PPP2R3A: variants seen among roughly 807,000 people sequenced by gnomAD.
The protein encoded by PPP2R3A is protein phosphatase 2 regulatory subunit B''alpha, also known as serine/threonine-protein phosphatase 2A regulatory subunit B'' subunit alpha.
PPP2R3A carries 80 observed loss-of-function variants against 106.9 expected under a neutral mutation model. The observed-to-expected ratio is 0.75, with a 90% CI of 0.62 to 0.90. The LOEUF is 0.90. PPP2R3A is among the 40% of genes least tolerant of loss of function. The pLI, the probability that PPP2R3A is intolerant of heterozygous loss-of-function variation, is 0.00. For missense variants in PPP2R3A, 1,386 were observed against 1,350.4 expected, an observed-to-expected ratio of 1.03 and a Z score of -0.41; for synonymous variants, 483 against 468.3, an observed-to-expected ratio of 1.03 and a Z score of -0.41.
chr3:136,039,105 G>A (rs1461723724), intron 3 of PPP2R3A, among the ~76,000 whole-genome samples: 1 of 152,106 alleles, frequency 6.6e-6, no homozygotes, highest in Non-Finnish European at 1.5e-5. Flanking sequence ...TGTCAGACTA[G>A]GTACTCTTCA....
rs1933633355 is a variant in PPP2R3A at position 136,001,781 on chromosome 3, C to A, written c.283C>A (p.Pro95Thr). The A allele has an allele frequency of 6.2e-7, 1 of 1,613,990 alleles. No homozygotes were observed. Among genetic ancestry groups the A allele is most frequent in the African/African-American group, 1.3e-5 (1 of 74,906 alleles). Residue 95 changes from proline to threonine, a missense_variant, in exon 2 of 14, where the codon CCC becomes ACC. Pro to Thr is a conservative substitution (Grantham distance 38, BLOSUM62 -1). Coordinates refer to ENST00000264977, the MANE Select transcript of PPP2R3A (RefSeq NM_002718.5). ...TCCCCAACAGGCCTTCACAGGCATA[C>A]CCAGGGTCAAGAGAGGATCTACATT... Reference protein sequence around the residue: ...DYPQQAFTGIPRVKRGSTFQN... With the variant: ...DYPQQAFTGITRVKRGSTFQN...
chr3:136,045,371 C>G (rs1935436826), intron 4 of PPP2R3A, among the ~76,000 whole-genome samples: 1 of 152,216 alleles, frequency 6.6e-6, no homozygotes, highest in African/African-American at 2.4e-5. Flanking sequence ...CCAGGAGTGC[C>G]AAGCTGAGAC....
intron 2 of PPP2R3A, among the ~76,000 whole-genome samples, chr3:136,014,744 T>C (rs1934212085): frequency 6.6e-6 from 1 of 152,162 alleles, no homozygotes; most frequent in Admixed American, 6.5e-5. Flanking sequence ...CTTTAGGGTT[T>C]TCCAGGTATA....
Position 136,118,017 on chromosome 3 carries a change from G to C in PPP2R3A, c.3329+11695G>C, listed in dbSNP as rs573439385. Among the ~76,000 whole-genome samples, 4 of 152,276 alleles carry C rather than the reference G, an allele frequency of 2.6e-5. No individual in the cohort carries two copies. The East Asian group carries it at 7.7e-4, about 29-fold the overall frequency. ...ACTGAATCCAGCAGCACATCAGAAA[G>C]CTTATCCACCATGATCAAGTGGGCC... On this transcript the variant is annotated intron_variant, in intron 13 of 13. Transcript: ENST00000264977.
intron 1 of PPP2R3A, 78 bp downstream of exon 1, chr3:135,965,927 G>A (rs1197303602): frequency 1.3e-5 from 2 of 153,458 alleles, no homozygotes; most frequent in African/African-American, 2.4e-5. Flanking sequence ...GCGAGGCTCG[G>A]GGCGGCGCGC....
intron 13 of PPP2R3A, among the ~76,000 whole-genome samples, chr3:136,144,291 A>G (rs920314856): frequency 2.6e-5 from 4 of 152,240 alleles, no homozygotes; most frequent in Admixed American, 6.5e-5. Flanking sequence ...AGTCAGTTCA[A>G]CCTACATACT....
At chr3:136,049,210 T>C in intron 4 of PPP2R3A, 49 bp from the exon 5 acceptor site, 1 of 1,356,780 alleles carries the variant, frequency 7.4e-7, no homozygotes, top group Non-Finnish European at 1.0e-6. Context: ...GTTATTGTCA[T>C]TGTTTGTTCA....
In PPP2R3A at chr3:136,145,266, T is replaced by C; in HGVS notation, c.*100T>C. On this transcript the variant is annotated 3_prime_UTR_variant, in exon 14 of 14. Transcript: ENST00000264977. ...ATACTGCTTTTTAAAGACTTTGATTTCTCCAAGTGTGTATCATCTGCACTA... is the reference window on the plus strand; with the variant it reads ...ATACTGCTTTTTAAAGACTTTGATTCCTCCAAGTGTGTATCATCTGCACTA... 1.4e-6 allele frequency: 2 copies of C among 1,392,242 alleles called. No homozygotes were observed. Among genetic ancestry groups the C allele is most frequent in the Non-Finnish European group, 1.9e-6 (2 of 1,044,526 alleles). The allele number at this position is 1,392,242 out of a possible 1,614,324, so 86.2% of individuals were successfully genotyped here.
chr3:136,115,511 A>G (rs925288464), intron 13 of PPP2R3A, among the ~76,000 whole-genome samples: 1 of 152,070 alleles, frequency 6.6e-6, no homozygotes, highest in Non-Finnish European at 1.5e-5. Context: ...AAAAAAGGGT[A>G]GATGAATTGC....
Position 136,003,448 on chromosome 3 carries a change from T to TA in PPP2R3A, c.1951dup (p.Thr651AsnfsTer19), listed in dbSNP as rs1486663259. ...GTCCTGTTGGTGATAAAGCCAAAGA[T>TA]ACTACTTCAGCAGTTTTGATTCAGC... On this transcript the variant is annotated frameshift_variant, in exon 2 of 14. Coordinates refer to ENST00000264977, the MANE Select transcript of PPP2R3A (RefSeq NM_002718.5). LOFTEE classifies it high-confidence loss of function. The TA allele has an allele frequency of 6.2e-7, 1 of 1,613,544 alleles. No individual in the cohort carries two copies. Among genetic ancestry groups the TA allele is most frequent in the Non-Finnish European group, 8.5e-7 (1 of 1,179,756 alleles).
chr3:135,966,801 C>A (rs907132598), intron 1 of PPP2R3A, among the ~76,000 whole-genome samples: 1 of 152,068 alleles, frequency 6.6e-6, no homozygotes, highest in African/African-American at 2.4e-5. Flanking sequence ...AGGAAGTATT[C>A]CTCCTCAAAT....
chr3:135,984,446 A>G (rs1244922374), intron 1 of PPP2R3A, among the ~76,000 whole-genome samples: 1 of 152,158 alleles, frequency 6.6e-6, no homozygotes, highest in East Asian at 1.9e-4. Flanking sequence ...ACTCAGCACA[A>G]TCCTAGTAAT....
chr3:136,057,391 A>C (rs1375290756), intron 5 of PPP2R3A, among the ~76,000 whole-genome samples: 2 of 152,194 alleles, frequency 1.3e-5, no homozygotes, highest in African/African-American at 2.4e-5. Flanking sequence ...CCATTATGTT[A>C]AATGAGCAAA....
intron 1 of PPP2R3A, 147 bp from the exon 2 acceptor site, chr3:136,000,912 A>G (rs1933599866): frequency 2.7e-6 from 1 of 373,058 alleles, no homozygotes; most frequent in East Asian, 3.8e-5. Context: ...AGGTGTGATG[A>G]AACAAAGGCA....
chr3:136,092,765 G>A (rs576056134), intron 10 of PPP2R3A, among the ~76,000 whole-genome samples: 1 of 152,110 alleles, frequency 6.6e-6, no homozygotes, highest in African/African-American at 2.4e-5. Flanking sequence ...ATGCCAGGAC[G>A]ATCCAATGGG....
At chr3:135,983,333 G>T (rs1178403656) in intron 1 of PPP2R3A, among the ~76,000 whole-genome samples, 1 of 152,128 alleles carries the variant, frequency 6.6e-6, no homozygotes, top group Non-Finnish European at 1.5e-5. Flanking sequence ...ATGTGGTGGG[G>T]ATATGAGGAT....
chr3:135,982,666 C>G (rs974392668), intron 1 of PPP2R3A, among the ~76,000 whole-genome samples: 3 of 152,184 alleles, frequency 2.0e-5, no homozygotes, highest in Admixed American at 6.5e-5. Context: ...CTCTGTACCC[C>G]TTCTGGTCTT....
At chr3:136,035,430 C>T (rs191207503) in intron 3 of PPP2R3A, among the ~76,000 whole-genome samples, 7 of 152,148 alleles carry the variant, frequency 4.6e-5, no homozygotes, top group Non-Finnish European at 7.4e-5. Context: ...TTGGTAGTGG[C>T]GAATTCTCTC....
At chr3:136,096,678 A>G (rs182270678) in intron 10 of PPP2R3A, among the ~76,000 whole-genome samples, 4 of 152,392 alleles carry the variant, frequency 2.6e-5, no homozygotes, top group African/African-American at 7.2e-5. Flanking sequence ...AACAGAATAT[A>G]CATTTAATTA....
Sources: gnomAD v4.1 joint callset for allele counts (sites outside exome capture counted in the v4.1 genomes callset) on GRCh38, gnomAD v4.1.1 for gene constraint, MANE v1.5 for transcripts, NCBI Gene and HGNC (gene_info 2026-07-23, HGNC 2026-07-21) for gene names.